SCOC: variants seen among roughly 807,000 people sequenced by gnomAD.
SCOC encodes short coiled coil protein.
SCOC carries 7 observed loss-of-function variants against 9.9 expected under a neutral mutation model. The ratio of observed to expected loss-of-function variants is 0.71; its 90% confidence interval spans 0.40 to 1.33. The LOEUF is 1.33. Ranked by LOEUF, SCOC falls within the 40% of genes most tolerant of loss-of-function variation. The pLI is 0.01. For missense variants in SCOC, 66 were observed against 89.7 expected (o/e 0.74, Z 1.07); for synonymous variants, 19 against 28.2 (o/e 0.67, Z 1.03).
intron 1 of SCOC, among the ~76,000 whole-genome samples, chr4:140,300,328 C>G (rs1247919816): frequency 6.6e-6 from 1 of 152,188 alleles, no homozygotes; most frequent in Non-Finnish European, 1.5e-5. Context: ...CTGCCCTGCT[C>G]AGGAGGATGG....
At chr4:140,272,727 G>T (rs1239486558) in intron 1 of SCOC, among the ~76,000 whole-genome samples, 1 of 151,948 alleles carries the variant, frequency 6.6e-6, no homozygotes, top group African/African-American at 2.4e-5. Flanking sequence ...GTGTCAACAA[G>T]AAGAAAGGGA....
chr4:140,339,221 T>C (rs1395555729), upstream of SCOC, among the ~76,000 whole-genome samples: 1 of 152,116 alleles, frequency 6.6e-6, no homozygotes, highest in Non-Finnish European at 1.5e-5. Context: ...ATTTAATAAA[T>C]GGTGCTGGGA....
At chr4:140,355,802 T>C (rs1727203813) in intron 2 of SCOC, among the ~76,000 whole-genome samples, 2 of 152,186 alleles carry the variant, frequency 1.3e-5, no homozygotes, top group African/African-American at 4.8e-5. Flanking sequence ...AATTTATATA[T>C]ATGGACTAGA....
intron 1 of SCOC, among the ~76,000 whole-genome samples, chr4:140,320,301 AG>A (rs1261545224): frequency 6.6e-6 from 1 of 152,190 alleles, no homozygotes; most frequent in Non-Finnish European, 1.5e-5. Flanking sequence ...TAAAAAGGGG[AG>A]GCATGAATAA....
chr4:140,362,301 T>TCTTCTTCTTCTTCTTCTTCTTCTTCTTC, intron 2 of SCOC, among the ~76,000 whole-genome samples: 16 of 29,408 alleles, frequency 5.4e-4, no homozygotes, highest in African/African-American at 1.4e-3. Context: ...TTCTTCTTCT[T>TCTTCTTCTTCTTCTTCTTCTTCTTCTTC]TTTTTTTTTT....
intron 1 of SCOC, among the ~76,000 whole-genome samples, chr4:140,326,435 A>T (rs1055662837): frequency 6.6e-6 from 1 of 152,224 alleles, no homozygotes; most frequent in African/African-American, 2.4e-5. Context: ...GGTGCCAGAG[A>T]GTTAAAACAA....
intron 1 of SCOC, among the ~76,000 whole-genome samples, chr4:140,262,734 G>A (rs931169731): frequency 6.6e-6 from 1 of 152,120 alleles, no homozygotes; most frequent in African/African-American, 2.4e-5. Context: ...TGTACAGGAG[G>A]CTTGGCTGGG....
At chr4:140,328,928 T>C (rs2126491965) in intron 1 of SCOC, among the ~76,000 whole-genome samples, 1 of 152,234 alleles carries the variant, frequency 6.6e-6, no homozygotes, top group Admixed American at 6.5e-5. Context: ...AGTTGAAGCT[T>C]TTGCAGAACC....
At chr4:140,271,551 G>C (rs1296251665) in intron 1 of SCOC, among the ~76,000 whole-genome samples, 1 of 152,204 alleles carries the variant, frequency 6.6e-6, no homozygotes, top group Non-Finnish European at 1.5e-5. Context: ...CTAGGTGCCT[G>C]AGCTGGGTAA....
chr4:140,286,375 CA>C (rs1731269467), intron 1 of SCOC, among the ~76,000 whole-genome samples: 1 of 150,856 alleles, frequency 6.6e-6, no homozygotes, highest in African/African-American at 2.4e-5. Flanking sequence ...AAAAAAAACA[CA>C]AAAAACAAAA....
At chr4:140,341,368 C>A (rs1313094058), upstream of SCOC, among the ~76,000 whole-genome samples, 2 of 152,166 alleles carry the variant, frequency 1.3e-5, no homozygotes, top group Non-Finnish European at 2.9e-5. Context: ...GTTAAGAGCA[C>A]AGACCCTACA....
upstream of SCOC, among the ~76,000 whole-genome samples, chr4:140,338,535 T>C (rs1347243144): frequency 6.6e-6 from 1 of 152,202 alleles, no homozygotes; most frequent in Non-Finnish European, 1.5e-5. Flanking sequence ...GACATGATTG[T>C]ATATTTAGAA....
chr4:140,267,188 G>A (rs1051504306), intron 1 of SCOC, among the ~76,000 whole-genome samples: 8 of 152,168 alleles, frequency 5.3e-5, no homozygotes, highest in Admixed American at 5.2e-4. Context: ...GTGAGTCAGC[G>A]GGAACCACAG....
chr4:140,382,199 C>A lies in SCOC; in HGVS notation c.*1095C>A, dbSNP rs1245401013. ...TGCTCAGTATTTTATCTCACTTGTT[C>A]TAGAATTTTCTGTAAACCCTGCTAC... On this transcript the variant is annotated 3_prime_UTR_variant, in exon 4 of 4. Transcript: ENST00000608372. 1 of 152,112 alleles carries A rather than the reference C, an allele frequency of 6.6e-6. No homozygotes were observed. Among genetic ancestry groups the A allele is most frequent in the Non-Finnish European group, 1.5e-5 (1 of 67,998 alleles). The allele number at this position is 152,112 out of a possible 1,614,324, so 9.4% of individuals were successfully genotyped here.
intron 2 of SCOC, among the ~76,000 whole-genome samples, chr4:140,350,204 T>A (rs1217627617): frequency 6.6e-6 from 1 of 152,152 alleles, no homozygotes; most frequent in Non-Finnish European, 1.5e-5. Flanking sequence ...CTGTGTTAGA[T>A]TTCCTTTCTC....
At chr4:140,313,226 A>G (rs1732205569) in intron 1 of SCOC, among the ~76,000 whole-genome samples, 1 of 152,208 alleles carries the variant, frequency 6.6e-6, no homozygotes, top group African/African-American at 2.4e-5. Context: ...TCCTGTAAGC[A>G]AAAAGTTATC....
rs910596780 is a variant in SCOC at position 140,289,151 on chromosome 4, T to C, written c.-19+31741T>C. Among the ~76,000 whole-genome samples the C allele has an allele frequency of 6.6e-5, 10 of 152,188 alleles. No individual in the cohort carries two copies. In the East Asian group the frequency reaches 1.9e-3, roughly 29 times the overall value. On this transcript the variant is annotated intron_variant, in intron 1 of 4. Transcript: ENST00000394205. Reference sequence around the variant, plus strand: ...TCCTTTGGGGACCAGAACTCTAACATTGCAGAGCCCAGAGTTGTGTGGCAG... The same window carrying C: ...TCCTTTGGGGACCAGAACTCTAACACTGCAGAGCCCAGAGTTGTGTGGCAG...
chr4:140,373,880 G>T, intron 1 of SCOC, 163 bp downstream of exon 1: 2 of 789,558 alleles, frequency 2.5e-6, no homozygotes, highest in South Asian at 1.5e-5. Context: ...GGCGGCGGAG[G>T]CCTGGCTCCC....
intron 1 of SCOC, among the ~76,000 whole-genome samples, chr4:140,257,924 TG>T (rs1335727814): frequency 6.6e-6 from 1 of 152,192 alleles, no homozygotes; most frequent in Non-Finnish European, 1.5e-5. Flanking sequence ...CTCTGCCTCT[TG>T]GGCAAGGAAC....
Sources: allele counts gnomAD v4.1 joint callset (sites outside exome capture counted in the v4.1 genomes callset), GRCh38; gene constraint gnomAD v4.1.1; transcripts MANE v1.5; gene names NCBI Gene and HGNC (gene_info 2026-07-23, HGNC 2026-07-21).